The following NECTIN1 variants were observed in gnomAD, a reference collection of about 807,000 sequenced individuals.
The protein encoded by NECTIN1 is nectin cell adhesion molecule 1.
A neutral mutation model predicts 48.0 loss-of-function variants in NECTIN1; 23 were observed. The observed-to-expected ratio is 0.48, with a 90% confidence interval of 0.34 to 0.68. NECTIN1 has a LOEUF of 0.68. Ranked by LOEUF, NECTIN1 falls within the 30% of genes least tolerant of loss-of-function variation. NECTIN1 has a pLI of 0.01. For missense variants in NECTIN1, 591 were observed against 709.9 expected (o/e 0.83, Z 1.90); for synonymous variants, 270 against 288.9 (o/e 0.93, Z 0.66).
chr11:119,674,516 G>GC, intron 5 of NECTIN1: 1 of 1,608,416 alleles, frequency 6.2e-7, no homozygotes, highest in Non-Finnish European at 8.5e-7. Flanking sequence ...ACAGATGGTG[G>GC]GGGGGGCCCT....
intron 4 of NECTIN1, among the ~76,000 whole-genome samples, chr11:119,676,447 C>T (rs1328292628): frequency 2.6e-5 from 4 of 152,224 alleles, no homozygotes; most frequent in Non-Finnish European, 4.4e-5. Context: ...GTCTCCTGGC[C>T]ACCCATATCA....
intron 1 of NECTIN1, among the ~76,000 whole-genome samples, chr11:119,702,516 G>A (rs760339499): frequency 2.0e-5 from 3 of 152,190 alleles, no homozygotes; most frequent in Non-Finnish European, 2.9e-5. Flanking sequence ...TCTGCTTCTG[G>A]TTGGGCCTAG....
chr11:119,646,033 C>T (rs1864392342), intron 5 of NECTIN1, among the ~76,000 whole-genome samples: 1 of 152,220 alleles, frequency 6.6e-6, no homozygotes, highest in Non-Finnish European at 1.5e-5. Flanking sequence ...TGCTGGGAGT[C>T]CCCTGCCTCC....
At position 119,714,001 on chromosome 11, in the gene NECTIN1, C is replaced by A. The variant is rs540999523; in HGVS notation, c.79+14474G>T. 836 of 384,394 alleles carry A rather than the reference C, an allele frequency of 2.2e-3. 3 individuals carry two copies. The highest frequency in any genetic ancestry group is 3.5e-3 in the Non-Finnish European group (671 of 191,858). 23.8% of individuals were successfully genotyped at this position (384,394 alleles called of 1,614,324 possible). A position where few individuals can be genotyped will look rare whatever the true frequency, so the allele number is the denominator to read the frequency against. On this transcript the variant is annotated intron_variant, in intron 1 of 5. Coordinates refer to ENST00000264025, the MANE Select transcript of NECTIN1 (RefSeq NM_002855.5). Reference sequence around the variant, plus strand: ...TGCTGCAGACCCTGAGTGGCCCCCCCCTTGGTATTCAGGACAGAGGCTTCT... The same window carrying A: ...TGCTGCAGACCCTGAGTGGCCCCCCACTTGGTATTCAGGACAGAGGCTTCT...
intron 5 of NECTIN1, among the ~76,000 whole-genome samples, chr11:119,648,301 G>GTGATGCTGGTGGTGGTGATGC (rs754894127): frequency 1.0e-3 from 13 of 12,922 alleles, no homozygotes; most frequent in African/African-American, 4.1e-3. Context: ...GGTGGTGGTG[G>GTGATGCTGGTGGTGGTGATGC]TGGTGATGGT....
At chr11:119,671,189 C>A (rs1043192223) in intron 5 of NECTIN1, among the ~76,000 whole-genome samples, 5 of 151,720 alleles carry the variant, frequency 3.3e-5, no homozygotes, top group Non-Finnish European at 1.5e-5. Flanking sequence ...CTCCCCTCCC[C>A]CTCCATCCCT....
chr11:119,693,268 GT>G (rs1169937810), intron 1 of NECTIN1, among the ~76,000 whole-genome samples: 1 of 152,216 alleles, frequency 6.6e-6, no homozygotes, highest in Non-Finnish European at 1.5e-5. Context: ...AAACCTGGAG[GT>G]GGCACCTGCA....
intron 6 of NECTIN1, chr11:119,638,821 A>T (rs758078334): frequency 6.2e-7 from 1 of 1,610,702 alleles, no homozygotes; most frequent in Non-Finnish European, 8.5e-7. Context: ...AGACAGAATG[A>T]GGGTAAGCTC....
chr11:119,692,982 G>A (rs1865285358), intron 1 of NECTIN1, among the ~76,000 whole-genome samples: 1 of 152,212 alleles, frequency 6.6e-6, no homozygotes, highest in Non-Finnish European at 1.5e-5. Flanking sequence ...GCCTTGTAGA[G>A]AGGGCAGGCA....
intron 1 of NECTIN1, chr11:119,713,069 C>T (rs1038896194): frequency 6.6e-6 from 1 of 152,240 alleles, no homozygotes; most frequent in Non-Finnish European, 1.5e-5. Context: ...GAGACGCTCT[C>T]TGGGTGGCCA....
At chr11:119,671,981 G>A (rs1864866868) in intron 5 of NECTIN1, among the ~76,000 whole-genome samples, 1 of 152,258 alleles carries the variant, frequency 6.6e-6, no homozygotes, top group African/African-American at 2.4e-5. Flanking sequence ...TACATGCCCA[G>A]AGACACATGT....
At chr11:119,675,396 C>A in intron 4 of NECTIN1, 86 bp from the exon 5 acceptor site, 2 of 1,452,580 alleles carry the variant, frequency 1.4e-6, no homozygotes, top group Non-Finnish European at 1.9e-6. Flanking sequence ...GCTCCAGGCC[C>A]CCTAGCCTTT....
chr11:119,647,160 CATGTGTGT>C (rs1222438454), intron 5 of NECTIN1, among the ~76,000 whole-genome samples: 9 of 71,304 alleles, frequency 1.3e-4, no homozygotes, highest in African/African-American at 4.0e-4. Flanking sequence ...GCTTGCGGCG[CATGTGTGT>C]GTGTGTGTGT....
chr11:119,698,989 G>A (rs1591474379), intron 1 of NECTIN1, among the ~76,000 whole-genome samples: 1 of 152,196 alleles, frequency 6.6e-6, no homozygotes, highest in Admixed American at 6.5e-5. Context: ...CAGCCTCAAA[G>A]CTCCACAATG....
At chr11:119,643,686 A>G (rs1250713902) in intron 5 of NECTIN1, among the ~76,000 whole-genome samples, 1 of 152,190 alleles carries the variant, frequency 6.6e-6, no homozygotes, top group East Asian at 1.9e-4. Context: ...GAACCCTGGC[A>G]TTGAGCCCCC....
At chr11:119,639,915 G>A (rs762847279) in exon 6 of NECTIN1, 1 of 1,614,208 alleles carries the variant, frequency 6.2e-7, no homozygotes. Context: ...TGTACAGGAA[G>A]AAGACAGTGA....
intron 4 of NECTIN1, among the ~76,000 whole-genome samples, chr11:119,676,075 T>C (rs1864943444): frequency 6.6e-6 from 1 of 151,948 alleles, no homozygotes; most frequent in African/African-American, 2.4e-5. Flanking sequence ...GCAGAACCAC[T>C]GGGGCAAAGA....
chr11:119,676,693 A>G lies in NECTIN1; in HGVS notation c.851+409T>C, dbSNP rs900893487. The G allele has an allele frequency of 1.9e-5, 5 of 268,280 alleles. No homozygotes were observed. In the East Asian group the frequency reaches 4.6e-4, roughly 25 times the overall value. The allele number at this position is 268,280 out of a possible 1,614,324, so 16.6% of individuals were successfully genotyped here. On this transcript the variant is annotated intron_variant, in intron 4 of 5. Coordinates refer to ENST00000264025, the MANE Select transcript of NECTIN1 (RefSeq NM_002855.5). ...CCCCAAGAATCTGGGGGTGCCAGAG[A>G]GAAGGAATAGGGACAAAGAAAGAGC...
At position 119,678,410 on chromosome 11, in the gene NECTIN1, C is replaced by T. The variant is rs140121562; in HGVS notation, c.430+5G>A. ...TGAACAGGGAGGGGGCCCAGGGCAG[C>T]TTACCCATCACCGTGAGATTGAGCT... On this transcript the variant is annotated splice_donor_5th_base_variant and intron_variant, in intron 2 of 5. Transcript: ENST00000264025. This position sits in a 1 kb window ranked among gnomAD's most constrained non-coding sequence, Gnocchi z 4.4. The T allele has an allele frequency of 3.1e-6, 5 of 1,613,648 alleles. No individual in the cohort carries two copies. The Admixed American group carries it at 5.0e-5, about 16-fold the overall frequency.
Sources: gnomAD v4.1 joint callset for allele counts (sites outside exome capture counted in the v4.1 genomes callset) on GRCh38, gnomAD v4.1.1 for gene constraint, Gnocchi (gnomAD v3.1) non-coding constraint, MANE v1.5 for transcripts, NCBI Gene and HGNC (gene_info 2026-07-23, HGNC 2026-07-21) for gene names.